Variants in MATN4 observed in about 807,000 individuals in gnomAD.
The protein encoded by MATN4 is matrilin 4.
MATN4 carries 40 observed loss-of-function variants against 54.6 expected under a neutral mutation model. The observed-to-expected ratio is 0.73, with a 90% CI of 0.57 to 0.95. MATN4 has a LOEUF of 0.95. MATN4 is among the 40% of genes least tolerant of loss of function. MATN4 has a pLI of 0.00. For missense variants in MATN4, 810 were observed against 819.1 expected, an observed-to-expected ratio of 0.99 and a Z score of 0.13; for synonymous variants, 351 against 345.3, an observed-to-expected ratio of 1.02 and a Z score of -0.18.
rs1006002252 is a variant in MATN4 at position 45,293,653 on chromosome 20, G to T, written c.*114C>A. The stretch of plus-strand genomic sequence containing the variant: ...GGAAGCCCGCCAGCGCCTCCGCCCC[G>T]ACAGCCCAAGCCGGACGGGCCCAGG... On this transcript the variant is annotated 3_prime_UTR_variant, in exon 10 of 10. Coordinates refer to ENST00000372756, the MANE Select transcript of MATN4 (RefSeq NM_001393530.1). 2.3e-5 allele frequency: 23 copies of T among 1,015,156 alleles called. No individual in the cohort carries two copies. The African/African-American group carries it at 3.6e-4, about 16-fold the overall frequency. 62.9% of individuals were successfully genotyped at this position (1,015,156 alleles called of 1,614,324 possible). A position where few individuals can be genotyped will look rare whatever the true frequency, so the allele number is the denominator to read the frequency against.
At chr20:45,302,805 G>A (rs1395223094) in intron 3 of MATN4, among the ~76,000 whole-genome samples, 3 of 151,146 alleles carry the variant, frequency 2.0e-5, no homozygotes, top group Non-Finnish European at 4.4e-5. Context: ...AGAAATGGCC[G>A]GGCGCAGTGG....
At chr20:45,299,055 C>T (rs1568873683) in intron 6 of MATN4, among the ~76,000 whole-genome samples, 1 of 152,108 alleles carries the variant, frequency 6.6e-6, no homozygotes. Context: ...TTTCTATGAC[C>T]TGAGGTTCTG....
At chr20:45,296,848 A>G (rs1413056980) in intron 8 of MATN4, among the ~76,000 whole-genome samples, 1 of 151,298 alleles carries the variant, frequency 6.6e-6, no homozygotes, top group African/African-American at 2.4e-5. Context: ...AATATAGTAT[A>G]TATAGTATAT....
rs543327105 is a variant in MATN4 at position 45,298,749 on chromosome 20, T to C, written c.1013-166A>G. 6.6e-6 allele frequency among the ~76,000 whole-genome samples: 1 copy of C among 152,268 alleles called. No individual in the cohort carries two copies. Among genetic ancestry groups the C allele is most frequent in the East Asian group, 1.9e-4 (1 of 5,192 alleles). ...TAAGTAATAATAATTATCACCATCA[T>C]CATCACCATCACCATCATCATCACC... On this transcript the variant is annotated intron_variant, in intron 6 of 9. Transcript: ENST00000372756. The surrounding 1 kb of genome is among the most constrained non-coding windows in gnomAD (Gnocchi z 4.6).
At chr20:45,297,437 TAA>T (rs34773329) in intron 8 of MATN4, among the ~76,000 whole-genome samples, 253 of 141,876 alleles carry the variant, frequency 1.8e-3, no homozygotes, top group African/African-American at 5.9e-3. Context: ...TTGTCCCCAA[TAA>T]AAAAAAAAAA....
At chr20:45,306,108 A>G (rs529501896) in intron 1 of MATN4, among the ~76,000 whole-genome samples, 2 of 151,952 alleles carry the variant, frequency 1.3e-5, no homozygotes, top group South Asian at 2.1e-4. Context: ...CTCGGCCCAC[A>G]AGAGAATGGT....
At position 45,298,516 on chromosome 20, in the gene MATN4, G is replaced by C; in HGVS notation, c.1080C>G (p.Asn360Lys). ...TCACGAAGCGCTTCACTAGCTCGAAGTTTTGTGGACGCACGCTCTTGGAGC... is the reference window on the plus strand; with the variant it reads ...TCACGAAGCGCTTCACTAGCTCGAACTTTTGTGGACGCACGCTCTTGGAGC... ...VDGSKSVRPQ[N>K]FELVKRFVNQ... Residue 360 changes from asparagine (N) to lysine (K), a missense_variant, in exon 7 of 10, where the codon AAC becomes AAG. Asn to Lys is a moderately conservative substitution (Grantham distance 94). Transcript: ENST00000372756. This position sits in a 1 kb window ranked among gnomAD's most constrained non-coding sequence, Gnocchi z 4.6. 1 of 1,611,892 alleles carries C rather than the reference G, an allele frequency of 6.2e-7. No individual in the cohort carries two copies.
chr20:45,301,483 C>T (rs754537901), intron 3 of MATN4, 40 bp from the exon 4 acceptor site: 30 of 1,595,162 alleles, frequency 1.9e-5, no homozygotes, highest in Non-Finnish European at 2.5e-5. Flanking sequence ...CAGGACTGCC[C>T]TTCTCAGCTC....
rs1219764586 is a variant in MATN4 at position 45,293,998 on chromosome 20, C to T, written c.1597G>A (p.Gly533Arg). 7 of 1,602,254 alleles carry T rather than the reference C, an allele frequency of 4.4e-6. No homozygotes were observed. Among genetic ancestry groups the T allele is most frequent in the Middle Eastern group, 1.6e-4 (1 of 6,070 alleles). Reference protein sequence around the residue: ...SICPEEGISAGTELRSPCECE... With the variant: ...SICPEEGISARTELRSPCECE... ...TCGCATGGGCTCCGAAGCTCTGTCC[C>T]TGCGCTGATGCCCTCCTCTGCAAGC... Residue 533 changes from glycine (G) to arginine (R), a missense_variant, in exon 9 of 10, where the codon GGG (glycine) becomes AGG (arginine). Coordinates refer to ENST00000372756, the MANE Select transcript of MATN4 (RefSeq NM_001393530.1).
At position 45,304,676 on chromosome 20, in the gene MATN4, G is replaced by T. The variant is rs771857983; in HGVS notation, c.195C>A (p.Asn65Lys). The T allele has an allele frequency of 1.9e-6, 3 of 1,612,844 alleles. No individual in the cohort carries two copies. Among genetic ancestry groups the T allele is most frequent in the Admixed American group, 1.7e-5 (1 of 60,024 alleles). Residue 65 changes from asparagine (N) to lysine (K), a missense_variant, in exon 3 of 10, where the codon AAC becomes AAA. Coordinates refer to ENST00000372756, the MANE Select transcript of MATN4 (RefSeq NM_001393530.1). ...QFLMGLLRGL[N>K]VGPNATRVGV... is the part of the protein sequence containing the mutation. ...CAACGCGCGTGGCGTTGGGACCCAC[G>T]TTCAGGCCTCGGAGGAGGCCCATGA...
rs1366732462 is a variant in MATN4, at chr20:45,305,464, C to T, written c.73+46G>A. Reference sequence around the variant, plus strand: ...GAGCTGGCTGCAGAGGGAGGACCTGCTTCCGCTCCCCTCCTCCCACTGGTG... The same window carrying T: ...GAGCTGGCTGCAGAGGGAGGACCTGTTTCCGCTCCCCTCCTCCCACTGGTG... On this transcript the variant is annotated intron_variant, in intron 2 of 9. Coordinates refer to ENST00000372756, the MANE Select transcript of MATN4 (RefSeq NM_001393530.1). 2.1e-6 allele frequency: 3 copies of T among 1,460,340 alleles called. No homozygotes were observed. In the African/African-American group the frequency reaches 4.2e-5, roughly 21 times the overall value. The allele number at this position is 1,460,340 out of a possible 1,614,324, so 90.5% of individuals were successfully genotyped here. A position where few individuals can be genotyped will look rare whatever the true frequency, so the allele number is the denominator to read the frequency against.
At chr20:45,307,515 A>G (rs2743312) in intron 1 of MATN4, among the ~76,000 whole-genome samples, 87,064 of 151,984 alleles carry the variant, frequency 0.57, 25,426 homozygotes, top group East Asian at 0.83. Flanking sequence ...ACATCCCTGG[A>G]CAGCATGAGG....
At chr20:45,307,445 G>A (rs1986821525) in intron 1 of MATN4, among the ~76,000 whole-genome samples, 1 of 152,170 alleles carries the variant, frequency 6.6e-6, no homozygotes, top group Non-Finnish European at 1.5e-5. Flanking sequence ...AGATGTGGCA[G>A]CGCTGGTGGA....
At chr20:45,308,523 C>T, upstream of MATN4, 1 of 488,986 alleles carries the variant, frequency 2.0e-6, no homozygotes. Context: ...ACCGGGGCAG[C>T]CACACTCCAC....
chr20:45,305,745 A>G, intron 1 of MATN4, 129 bp from the exon 2 acceptor site: 1 of 433,080 alleles, frequency 2.3e-6, no homozygotes, highest in Non-Finnish European at 4.1e-6. Context: ...TGTATGTTTG[A>G]AATGTTTCAG....
chr20:45,304,651 C>T lies in MATN4; in HGVS notation c.220G>A (p.Gly74Ser). ...ACTTGACTCGAATACTGGATCACGC[C>T]AACGCGCGTGGCGTTGGGACCCACG... is the stretch of plus-strand genomic sequence containing the variant. ...LNVGPNATRV[G>S]VIQYSSQVQS... Residue 74 changes from glycine to serine, a missense_variant, in exon 3 of 10, where the codon GGC becomes AGC. Transcript: ENST00000372756. 1 of 1,612,182 alleles carries T rather than the reference C, an allele frequency of 6.2e-7. No homozygotes were observed. The highest frequency in any genetic ancestry group is 8.5e-7 in the Non-Finnish European group (1 of 1,178,788).
rs767021016 is a variant in MATN4, at chr20:45,297,983, G to A, written c.1514C>T (p.Ser505Phe). The A allele has an allele frequency of 3.3e-5, 54 of 1,614,050 alleles. No homozygotes were observed. Among genetic ancestry groups the A allele is most frequent in the Admixed American group, 2.0e-4 (12 of 60,008 alleles). The change falls in exon 8 of 10, where the codon TCC becomes TTC. Residue 505 changes from serine to phenylalanine, a missense_variant. By Grantham distance (155) the Ser-to-Phe change is radical. Coordinates refer to ENST00000372756, the MANE Select transcript of MATN4 (RefSeq NM_001393530.1). ...CATGGTGCCGAAGTCCGGGGCATAG[G>A]ACACGTGCAGTTCCGCTGGCTCCGA... ...IASEPAELHV[S>F]YAPDFGTMTH...
In MATN4 at chr20:45,298,551, G is replaced by T; in HGVS notation, c.1045C>A (p.Leu349Met). Residue 349 changes from leucine to methionine, a missense_variant, in exon 7 of 10, where the codon CTG becomes ATG. Leu to Met is a conservative substitution (Grantham distance 15, BLOSUM62 2). Coordinates refer to ENST00000372756, the MANE Select transcript of MATN4 (RefSeq NM_001393530.1). The surrounding 1 kb of genome is among the most constrained non-coding windows in gnomAD (Gnocchi z 4.6). Reference sequence around the variant, plus strand: ...CGCACGCTCTTGGAGCCATCAACCAGCAGAACAAGGTCCACGTGGCCTTCC... The same window carrying T: ...CGCACGCTCTTGGAGCCATCAACCATCAGAACAAGGTCCACGTGGCCTTCC... Reference protein sequence around the residue: ...CREGHVDLVLLVDGSKSVRPQ... With the variant: ...CREGHVDLVLMVDGSKSVRPQ... 6.3e-7 allele frequency: 1 copy of T among 1,585,738 alleles called. No homozygotes were observed. Among genetic ancestry groups the T allele is most frequent in the Middle Eastern group, 1.7e-4 (1 of 5,940 alleles).
chr20:45,307,538 G>A (rs543811912), intron 1 of MATN4, among the ~76,000 whole-genome samples: 2 of 152,320 alleles, frequency 1.3e-5, no homozygotes, highest in Admixed American at 6.5e-5. Flanking sequence ...TAAGGCACAA[G>A]GGGCCTCTGC....
Sources: allele counts gnomAD v4.1 joint callset (sites outside exome capture counted in the v4.1 genomes callset), GRCh38; gene constraint gnomAD v4.1.1; non-coding constraint Gnocchi (gnomAD v3.1); transcripts MANE v1.5; gene names NCBI Gene and HGNC (gene_info 2026-07-23, HGNC 2026-07-21).